ITGA2B: variants seen among roughly 807,000 people sequenced by gnomAD.
The protein encoded by ITGA2B is integrin alpha-IIb.
Under a neutral mutation model 142.0 loss-of-function variants are expected in ITGA2B, and 91 were observed. That is an observed-to-expected ratio of 0.64 (90% CI 0.54 to 0.76). The LOEUF is 0.76. Ranked by LOEUF, ITGA2B falls within the 30% of genes least tolerant of loss-of-function variation. The probability of loss-of-function intolerance (pLI) is 0.00; values close to 1 mark genes in which losing one functional copy is unlikely to be tolerated. For missense variants in ITGA2B, 1,231 were observed against 1,350.8 expected, an observed-to-expected ratio of 0.91 and a Z score of 1.39; for synonymous variants, 536 against 567.2, an observed-to-expected ratio of 0.94 and a Z score of 0.78.
chr17:44,380,637 C>T lies in ITGA2B; in HGVS notation c.1402G>A (p.Val468Met), dbSNP rs568782461. Residue 468 changes from valine to methionine, a missense_variant, in exon 14 of 30, where the codon GTG becomes ATG. Val to Met is a conservative substitution (Grantham distance 21). Coordinates refer to ENST00000262407, the MANE Select transcript of ITGA2B (RefSeq NM_000419.5). ...ACCTGGTTGGCCCCGTAAGCTCCCA[C>T]GATCAGGTCTATAGACATCGAGGAA... is the stretch of plus-strand genomic sequence containing the variant. ...IDDNGYPDLI[V>M]GAYGANQVAV... is the part of the protein sequence containing the mutation. 10 of 1,614,214 alleles carry T rather than the reference C, an allele frequency of 6.2e-6. No homozygotes were observed. Among genetic ancestry groups the T allele is most frequent in the South Asian group, 1.1e-5 (1 of 91,086 alleles).
chr17:44,384,668 C>T, intron 7 of ITGA2B, 83 bp from the exon 8 acceptor site: 1 of 1,486,692 alleles, frequency 6.7e-7, no homozygotes, highest in South Asian at 1.1e-5. Context: ...AGATTAAGGC[C>T]ACTCAGCCCC....
Position 44,376,084 on chromosome 17 carries a change from C to T in ITGA2B, c.2448+1G>A, listed in dbSNP as rs1232805018. On this transcript the variant is annotated splice_donor_variant, in intron 24 of 29. Coordinates refer to ENST00000262407, the MANE Select transcript of ITGA2B (RefSeq NM_000419.5). LOFTEE classifies it high-confidence loss of function. ...GCCAGGGACGCGAGGCTCCCCAATA[C>T]CTCATAGGTGTGCTCCACTTTGGGT... The T allele has an allele frequency of 6.2e-7, 1 of 1,614,086 alleles. No individual in the cohort carries two copies. The highest frequency in any genetic ancestry group is 1.7e-5 in the Admixed American group (1 of 60,026).
At chr17:44,379,072 A>G (rs1316934677) in intron 18 of ITGA2B, among the ~76,000 whole-genome samples, 5 of 151,134 alleles carry the variant, frequency 3.3e-5, no homozygotes, top group Admixed American at 2.6e-4. Context: ...TCAGCCTCCC[A>G]AGTAGCTGGG....
At position 44,389,348 on chromosome 17, in the gene ITGA2B, A is replaced by G. The variant is rs2048678266; in HGVS notation, c.126T>C (p.Tyr42=). Residue 42 remains tyrosine, a synonymous_variant, in exon 1 of 30, where the codon TAT becomes TAC. Coordinates refer to ENST00000262407, the MANE Select transcript of ITGA2B (RefSeq NM_000419.5). The part of the protein sequence containing the change: ...LNLDPVQLTF[Y]AGPNGSQFGF... Reference sequence around the variant, plus strand: ...CAAACTGGCTGCCATTGGGGCCTGCATAGAAGGTGAGCTGCACTGGGTCCA... The same window carrying G: ...CAAACTGGCTGCCATTGGGGCCTGCGTAGAAGGTGAGCTGCACTGGGTCCA... 6.2e-7 allele frequency: 1 copy of G among 1,614,156 alleles called. No individual in the cohort carries two copies. The highest frequency in any genetic ancestry group is 8.5e-7 in the Non-Finnish European group (1 of 1,180,024).
At chr17:44,381,331 T>C (rs1442681975) in intron 12 of ITGA2B, among the ~76,000 whole-genome samples, 1 of 150,750 alleles carries the variant, frequency 6.6e-6, no homozygotes, top group African/African-American at 2.5e-5. Flanking sequence ...TTCCCTTTTC[T>C]AAATTTTTTT....
rs777290147 is a variant in ITGA2B, at chr17:44,389,416, G to A, written c.58C>T (p.Leu20Phe). The change falls in exon 1 of 30, where the codon CTC becomes TTC. Residue 20 changes from leucine (L) to phenylalanine (F), a missense_variant. Leu to Phe is a conservative substitution (Grantham distance 22). Coordinates refer to ENST00000262407, the MANE Select transcript of ITGA2B (RefSeq NM_000419.5). Reference protein sequence around the residue: ...ALWLLEWVLLLLGPCAAPPAW... With the variant: ...ALWLLEWVLLFLGPCAAPPAW... ...GGAGGGGCAGCACAAGGTCCCAAGAGCAGCAGCACCCACTCCAGAAGCCAG... is the reference window on the plus strand; with the variant it reads ...GGAGGGGCAGCACAAGGTCCCAAGAACAGCAGCACCCACTCCAGAAGCCAG... The A allele has an allele frequency of 2.5e-6, 4 of 1,614,086 alleles. No homozygotes were observed. The highest frequency in any genetic ancestry group is 1.3e-5 in the African/African-American group (1 of 74,936).
chr17:44,386,575 G>A (rs2048651377), intron 1 of ITGA2B, among the ~76,000 whole-genome samples: 2 of 152,104 alleles, frequency 1.3e-5, no homozygotes, highest in African/African-American at 4.8e-5. Flanking sequence ...TCTAAAGTGG[G>A]GCTGGAGTGT....
Position 44,376,191 on chromosome 17 carries a change from G to T in ITGA2B, c.2349-7C>A. 6.2e-7 allele frequency: 1 copy of T among 1,614,162 alleles called. No homozygotes were observed. Among genetic ancestry groups the T allele is most frequent in the Non-Finnish European group, 8.5e-7 (1 of 1,180,022 alleles). On this transcript the variant is annotated splice_polypyrimidine_tract_variant and splice_region_variant and intron_variant, in intron 23 of 29. Coordinates refer to ENST00000262407, the MANE Select transcript of ITGA2B (RefSeq NM_000419.5). ...GGAGGCTGGAAAGGAGTTCCTGCAG[G>T]TGCCCAAGACCCCCAGAGAGAGTGT... is the stretch of plus-strand genomic sequence containing the variant.
intron 12 of ITGA2B, among the ~76,000 whole-genome samples, chr17:44,382,157 ACT>A (rs1254491143): frequency 6.6e-6 from 1 of 151,210 alleles, no homozygotes; most frequent in Non-Finnish European, 1.5e-5. Context: ...CATCACAGGG[ACT>A]CTCTGCTGGC....
Position 44,389,272 on chromosome 17 carries a change from C to T in ITGA2B, c.188+14G>A, listed in dbSNP as rs2048677496. 1.2e-6 allele frequency: 2 copies of T among 1,613,962 alleles called. No homozygotes were observed. The highest frequency in any genetic ancestry group is 1.7e-5 in the Admixed American group (1 of 59,996). ...CTGCTCTCTCCCAATACCCCAACTT[C>T]CCTTACGGCTCACCTCCCATGGCTG... is the stretch of plus-strand genomic sequence containing the variant. On this transcript the variant is annotated intron_variant, in intron 1 of 29. Coordinates refer to ENST00000262407, the MANE Select transcript of ITGA2B (RefSeq NM_000419.5).
At chr17:44,384,911 C>T (rs985683759) in intron 7 of ITGA2B, 37 bp downstream of exon 7, 1 of 1,613,270 alleles carries the variant, frequency 6.2e-7, no homozygotes, top group Admixed American at 1.7e-5. Context: ...TGGGCGGTGA[C>T]CCTCGGGGTG....
At chr17:44,378,211 G>A (rs2048561599) in intron 20 of ITGA2B, 151 bp downstream of exon 20, 1 of 1,083,752 alleles carries the variant, frequency 9.2e-7, no homozygotes, top group Non-Finnish European at 1.3e-6. Flanking sequence ...CCATTAGCAA[G>A]TATTCCTCCT....
At chr17:44,375,751 C>T (rs1292670573) in intron 25 of ITGA2B, 35 bp from the exon 26 acceptor site, 2 of 1,558,080 alleles carry the variant, frequency 1.3e-6, no homozygotes, top group East Asian at 2.4e-5. Flanking sequence ...GCCCAGGTCT[C>T]CCCCGAACCC....
At chr17:44,387,901 G>A (rs2048664666) in intron 1 of ITGA2B, among the ~76,000 whole-genome samples, 1 of 149,894 alleles carries the variant, frequency 6.7e-6, no homozygotes, top group African/African-American at 2.5e-5. Flanking sequence ...AAGAGGGCTG[G>A]ACCCTTATCA....
At chr17:44,373,350 C>T (rs957778769) in intron 29 of ITGA2B, among the ~76,000 whole-genome samples, 2 of 152,042 alleles carry the variant, frequency 1.3e-5, no homozygotes, top group African/African-American at 4.8e-5. Flanking sequence ...GTTTGTCAGG[C>T]TGGTCTCGAA....
At position 44,378,423 on chromosome 17, in the gene ITGA2B, G is replaced by C; in HGVS notation, c.2033C>G (p.Ala678Gly). Reference protein sequence around the residue: ...AANEGEGAYEAELAVHLPQGA... With the variant: ...AANEGEGAYEGELAVHLPQGA... ...CTGGGGCAGGTGCACGGCCAGCTCT[G>C]CTTCATAGGCCCCCTCGCCCTCGTT... Residue 678 changes from alanine to glycine, a missense_variant, in exon 20 of 30, where the codon GCA (alanine) becomes GGA (glycine). This residue lies in a region of ITGA2B where 908 missense variants were observed against 1,021.1 expected (regional missense o/e 0.89). Transcript: ENST00000262407. 6.2e-7 allele frequency: 1 copy of C among 1,613,556 alleles called. No individual in the cohort carries two copies. The highest frequency in any genetic ancestry group is 1.3e-5 in the African/African-American group (1 of 75,072).
At chr17:44,376,501 T>C in intron 22 of ITGA2B, 113 bp from the exon 23 acceptor site, 3 of 917,650 alleles carry the variant, frequency 3.3e-6, no homozygotes, top group Non-Finnish European at 5.3e-6. Flanking sequence ...ACAAAGAGCA[T>C]GCCACACTGA....
At chr17:44,383,405 C>G (rs987308389) in intron 12 of ITGA2B, 88 bp downstream of exon 12, 5 of 1,260,824 alleles carry the variant, frequency 4.0e-6, no homozygotes, top group Admixed American at 3.9e-5. Context: ...AAAACCCATC[C>G]TGGTTCTGGC....
At chr17:44,379,536 G>A (rs2048575242) in intron 18 of ITGA2B, among the ~76,000 whole-genome samples, 153 bp downstream of exon 18, 1 of 152,152 alleles carries the variant, frequency 6.6e-6, no homozygotes, top group South Asian at 2.1e-4. Context: ...TTACAGGTGT[G>A]AGCCACCATG....
Sources: allele counts gnomAD v4.1 joint callset (sites outside exome capture counted in the v4.1 genomes callset), GRCh38; gene constraint gnomAD v4.1.1; regional missense constraint gnomAD v4.1.1; transcripts MANE v1.5; gene names NCBI Gene and HGNC (gene_info 2026-07-23, HGNC 2026-07-21).